Variants in DPP6 observed in about 807,000 individuals in gnomAD.
DPP6 encodes A-type potassium channel modulatory protein DPP6.
A neutral mutation model predicts 122.6 loss-of-function variants in DPP6; 69 were observed. The observed-to-expected ratio is 0.56, with a 90% CI of 0.46 to 0.69. The LOEUF (loss-of-function observed/expected upper bound fraction) is 0.69, where lower values mean the gene tolerates loss of function less well. Ranked by LOEUF, DPP6 falls within the 30% of genes least tolerant of loss-of-function variation. DPP6 has a pLI of 0.00. For synonymous variants in DPP6, 418 were observed against 433.1 expected, an observed-to-expected ratio of 0.97 and a Z score of 0.43; for missense variants, 928 against 1,116.9, an observed-to-expected ratio of 0.83 and a Z score of 2.41.
At chr7:154,643,466 T>TC (rs1491374479) in intron 6 of DPP6, among the ~76,000 whole-genome samples, 121 of 111,570 alleles carry the variant, frequency 1.1e-3, no homozygotes, top group Admixed American at 1.8e-3. Context: ...GTGAGTAATT[T>TC]CTTTTTTTTT....
chr7:154,316,846 A>AGG (rs1807472970), intron 1 of DPP6, among the ~76,000 whole-genome samples: 1 of 152,194 alleles, frequency 6.6e-6, no homozygotes, highest in African/African-American at 2.4e-5. Flanking sequence ...GGATTGTGGT[A>AGG]CGGGAGAAGG....
chr7:154,223,711 C>T (rs1288167835), intron 1 of DPP6, among the ~76,000 whole-genome samples: 1 of 149,434 alleles, frequency 6.7e-6, no homozygotes, highest in Non-Finnish European at 1.5e-5. Context: ...CCTAGTCCTG[C>T]AGGGCGTGGT....
chr7:154,298,191 C>G (rs918145382), intron 1 of DPP6, among the ~76,000 whole-genome samples: 1 of 152,052 alleles, frequency 6.6e-6, no homozygotes, highest in Non-Finnish European at 1.5e-5. Context: ...GGGTTTCCAG[C>G]CAGCTGCCCT....
chr7:153,758,326 T>A, the DPP6 span, among the ~76,000 whole-genome samples: 1 of 152,390 alleles, frequency 6.6e-6, no homozygotes, highest in South Asian at 2.1e-4. Context: ...GAAAAAGATA[T>A]TGCAAACACT....
chr7:153,765,612 T>G, the DPP6 span, among the ~76,000 whole-genome samples: 1 of 152,052 alleles, frequency 6.6e-6, no homozygotes, highest in Non-Finnish European at 1.5e-5. Context: ...GTCAGTGCTA[T>G]CTACATTCAG....
chr7:154,793,367 C>T (rs1797810485), intron 10 of DPP6, among the ~76,000 whole-genome samples: 1 of 152,148 alleles, frequency 6.6e-6, no homozygotes, highest in Non-Finnish European at 1.5e-5. Flanking sequence ...TTTTGGAGGG[C>T]TCTGGGTGAC....
intron 5 of DPP6, among the ~76,000 whole-genome samples, chr7:154,621,215 T>C (rs909158739): frequency 6.6e-6 from 1 of 152,190 alleles, no homozygotes; most frequent in African/African-American, 2.4e-5. Flanking sequence ...ACGACATGAT[T>C]TGGAAGCCTG....
chr7:154,848,742 A>G (rs559584740), intron 16 of DPP6, among the ~76,000 whole-genome samples: 89 of 152,304 alleles, frequency 5.8e-4, no homozygotes, highest in Non-Finnish European at 6.3e-4. Flanking sequence ...GCCCAGACCA[A>G]TGTCATGGAG....
intron 1 of DPP6, chr7:154,305,033 C>T (rs1317973189): frequency 6.2e-5 from 1 of 16,134 alleles, no homozygotes; most frequent in African/African-American, 2.4e-4. Flanking sequence ...AGCCCCAGCC[C>T]CAGCCCCAGC....
At chr7:153,904,519 G>A (rs983907764) in intron 1 of DPP6, among the ~76,000 whole-genome samples, 1 of 152,092 alleles carries the variant, frequency 6.6e-6, no homozygotes. Flanking sequence ...GGGCAGAAAG[G>A]GTATAGTGGT....
At chr7:153,989,272 G>A (rs1328608495) in intron 1 of DPP6, among the ~76,000 whole-genome samples, 1 of 143,830 alleles carries the variant, frequency 7.0e-6, no homozygotes, top group Non-Finnish European at 1.5e-5. Context: ...TGAGAAAGTG[G>A]GTGAATGTGT....
intron 16 of DPP6, among the ~76,000 whole-genome samples, chr7:154,834,722 G>A (rs568156871): frequency 5.3e-5 from 8 of 152,318 alleles, no homozygotes; most frequent in South Asian, 4.1e-4. Context: ...CTGTGGGATC[G>A]TGATGTTCAC....
chr7:154,283,736 A>G (rs897753800), intron 1 of DPP6, among the ~76,000 whole-genome samples: 52 of 152,190 alleles, frequency 3.4e-4, no homozygotes, highest in African/African-American at 1.2e-3. Context: ...AGTAAGACTC[A>G]GACTTTACTC....
chr7:153,935,081 C>T (rs1431108918), intron 1 of DPP6, among the ~76,000 whole-genome samples: 1 of 152,210 alleles, frequency 6.6e-6, no homozygotes, highest in African/African-American at 2.4e-5. Flanking sequence ...TGACATAACG[C>T]TGTGCCCATC....
At chr7:154,661,573 C>T (rs1171405192) in intron 6 of DPP6, among the ~76,000 whole-genome samples, 1 of 118,810 alleles carries the variant, frequency 8.4e-6, no homozygotes, top group African/African-American at 3.4e-5. Flanking sequence ...CATGGTGAAT[C>T]ACCATGGCGT....
intron 1 of DPP6, among the ~76,000 whole-genome samples, chr7:154,353,061 C>T (rs544533279): frequency 1.1e-3 from 166 of 152,298 alleles, no homozygotes; most frequent in African/African-American, 3.7e-3. Context: ...GGCCCCTGGG[C>T]CAGCAGCATC....
intron 1 of DPP6, among the ~76,000 whole-genome samples, chr7:154,409,319 A>G (rs1022962093): frequency 5.3e-5 from 8 of 152,192 alleles, no homozygotes; most frequent in African/African-American, 1.9e-4. Context: ...CCATGAAAGT[A>G]TAGAGGGAGA....
intron 5 of DPP6, among the ~76,000 whole-genome samples, chr7:154,588,862 T>G (rs1264823776): frequency 6.6e-6 from 1 of 152,182 alleles, no homozygotes; most frequent in Non-Finnish European, 1.5e-5. Context: ...CTGTGACAGT[T>G]TAGACTATTC....
At chr7:154,408,686 CT>C (rs1816329161) in intron 1 of DPP6, among the ~76,000 whole-genome samples, 1 of 152,022 alleles carries the variant, frequency 6.6e-6, no homozygotes, top group Admixed American at 6.5e-5. Flanking sequence ...GTTCCAGACC[CT>C]AATGCTGAGT....
Sources: gnomAD v4.1 joint callset for allele counts (sites outside exome capture counted in the v4.1 genomes callset) on GRCh38, gnomAD v4.1.1 for gene constraint, MANE v1.5 for transcripts, NCBI Gene and HGNC (gene_info 2026-07-23, HGNC 2026-07-21) for gene names.